PAH: variants seen among roughly 807,000 people sequenced by gnomAD.
PAH encodes the protein phenylalanine hydroxylase, also known as phenylalanine-4-hydroxylase.
In PAH, 64 loss-of-function variants were observed where a neutral mutation model predicts 62.0. The observed-to-expected ratio is 1.03, with a 90% CI of 0.84 to 1.27. The LOEUF is 1.27. Ranked by LOEUF, PAH falls within the 50% of genes most tolerant of loss-of-function variation. PAH has a pLI of 0.00. For missense variants in PAH, 579 were observed against 542.8 expected (o/e 1.07, Z -0.66); for synonymous variants, 195 against 196.2 (o/e 0.99, Z 0.05).
chr12:102,951,317 G>T (rs1879753738), upstream of PAH, among the ~76,000 whole-genome samples: 1 of 152,144 alleles, frequency 6.6e-6, no homozygotes, highest in Admixed American at 6.5e-5. Flanking sequence ...ACTCCTTACG[G>T]CTCAGGAGTC....
In PAH at chr12:102,886,420, A is replaced by G. The variant is rs555466827; in HGVS notation, c.352+8315T>C. On this transcript the variant is annotated intron_variant, in intron 3 of 12. Transcript: ENST00000553106. ...TTTATTCCAACCACCCACCTAAATTACAACTACCCTCCCAATATCCTTTTT... is the reference window on the plus strand; with the variant it reads ...TTTATTCCAACCACCCACCTAAATTGCAACTACCCTCCCAATATCCTTTTT... 1.8e-4 allele frequency among the ~76,000 whole-genome samples: 27 copies of G among 152,336 alleles called. No homozygotes were observed. In the South Asian group the frequency reaches 5.0e-3, roughly 28 times the overall value.
rs62508718 is a variant in PAH, at chr12:102,855,193, A to G, written c.649T>C (p.Cys217Arg). 3 of 1,614,208 alleles carry G rather than the reference A, an allele frequency of 1.9e-6. No individual in the cohort carries two copies. Among genetic ancestry groups the G allele is most frequent in the South Asian group, 1.1e-5 (1 of 91,088 alleles). The part of the protein sequence containing the change: ...NHIFPLLEKY[C>R]GFHEDNIPQL... ...GGAATGTTATCTTCATGGAAGCCAC[A>G]GTACTTTTCAAGAAGTGGAAAAATG... is the stretch of plus-strand genomic sequence containing the variant. The change falls in exon 6 of 13, where the codon TGT (cysteine) becomes CGT (arginine). Residue 217 changes from cysteine (C) to arginine (R), a missense_variant. Coordinates refer to ENST00000553106, the MANE Select transcript of PAH (RefSeq NM_000277.3).
chr12:102,921,583 T>C (rs1419811041), upstream of PAH, among the ~76,000 whole-genome samples: 2 of 152,212 alleles, frequency 1.3e-5, no homozygotes, highest in Non-Finnish European at 2.9e-5. Context: ...GAGTATTGTT[T>C]AAGAAGTCCT....
chr12:102,839,045 T>C lies in PAH; in HGVS notation c.*130A>G, dbSNP rs879169887. On this transcript the variant is annotated 3_prime_UTR_variant, in exon 13 of 13. Coordinates refer to ENST00000553106, the MANE Select transcript of PAH (RefSeq NM_000277.3). ...ATTATTTTGACTTATTTGTTGTTTC[T>C]CCATCTTGTAAAGGATTTAAGGCTG... The C allele has an allele frequency of 1.1e-4, 83 of 777,210 alleles. No individual in the cohort carries two copies. In the South Asian group the frequency reaches 1.2e-3, roughly 11 times the overall value. The allele number at this position is 777,210 out of a possible 1,614,324, so 48.1% of individuals were successfully genotyped here.
At chr12:102,945,531 C>A (rs1879460711) in intron 1 of PAH, among the ~76,000 whole-genome samples, 1 of 152,208 alleles carries the variant, frequency 6.6e-6, no homozygotes, top group African/African-American at 2.4e-5. Context: ...TCTTCCCATT[C>A]TTCCCTCCCC....
intron 12 of PAH, among the ~76,000 whole-genome samples, chr12:102,839,624 T>A (rs1364554481): frequency 6.6e-6 from 1 of 152,228 alleles, no homozygotes; most frequent in African/African-American, 2.4e-5. Context: ...TATCACAAAT[T>A]TGGTAAATTT....
chr12:102,846,247 C>G (rs989242529), intron 9 of PAH, among the ~76,000 whole-genome samples: 19 of 152,160 alleles, frequency 1.2e-4, no homozygotes, highest in African/African-American at 4.6e-4. Context: ...AGCTTCTAAA[C>G]TGATATATCT....
intron 1 of PAH, among the ~76,000 whole-genome samples, chr12:102,915,827 T>TA (rs398116814): frequency 3.3e-5 from 5 of 152,142 alleles, no homozygotes; most frequent in African/African-American, 7.2e-5. Context: ...CCTATTTTTT[T>TA]AATTATAACT....
At chr12:102,917,015 CTT>C (rs1878408262) in intron 1 of PAH, 54 bp downstream of exon 1, 1 of 1,525,748 alleles carries the variant, frequency 6.6e-7, no homozygotes, top group East Asian at 2.3e-5. Flanking sequence ...CTTCGGATCT[CTT>C]TCTCTGGAGG....
intron 1 of PAH, among the ~76,000 whole-genome samples, chr12:102,933,529 C>A (rs952060354): frequency 6.6e-6 from 1 of 152,002 alleles, no homozygotes; most frequent in East Asian, 1.9e-4. Flanking sequence ...GCTCTATTTT[C>A]AATTTTTGAG....
chr12:102,899,916 A>G (rs1210621754), intron 2 of PAH, among the ~76,000 whole-genome samples: 1 of 148,910 alleles, frequency 6.7e-6, no homozygotes, highest in African/African-American at 2.5e-5. Flanking sequence ...AACATGTATT[A>G]AAAAACGTGT....
chr12:102,917,984 G>A (rs1878451697), upstream of PAH, among the ~76,000 whole-genome samples: 1 of 152,220 alleles, frequency 6.6e-6, no homozygotes, highest in South Asian at 2.1e-4. Flanking sequence ...GACCTGTACC[G>A]TGTGCTTGGT....
chr12:102,945,711 G>A (rs1210051706), intron 1 of PAH, among the ~76,000 whole-genome samples: 4 of 152,068 alleles, frequency 2.6e-5, no homozygotes, highest in Non-Finnish European at 5.9e-5. Context: ...GCCCCCTCTG[G>A]CCCAGGGCAG....
upstream of PAH, chr12:102,950,950 G>GT (rs11442766): frequency 0.43 from 64,742 of 151,608 alleles, 14,901 homozygotes; most frequent in African/African-American, 0.6. Flanking sequence ...AAAACGGATA[G>GT]TGTGTGTGTT....
chr12:102,908,811 C>T (rs529028081), intron 2 of PAH, among the ~76,000 whole-genome samples: 28 of 151,360 alleles, frequency 1.8e-4, no homozygotes, highest in African/African-American at 6.5e-4. Flanking sequence ...ATTCAAAATA[C>T]CACGTTACAT....
intron 1 of PAH, chr12:102,914,308 T>C (rs1402682351): frequency 6.5e-6 from 1 of 153,704 alleles, no homozygotes; most frequent in Non-Finnish European, 1.4e-5. Flanking sequence ...ATTTAGAGCC[T>C]ATAATTTCTG....
intron 1 of PAH, among the ~76,000 whole-genome samples, chr12:102,926,451 T>C (rs1878686201): frequency 6.6e-6 from 1 of 151,872 alleles, no homozygotes; most frequent in Non-Finnish European, 1.5e-5. Context: ...GAGAGAGGTG[T>C]AAGCTGAGTC....
Position 102,852,850 on chromosome 12 carries a change from G to C in PAH, c.807C>G (p.Ile269Met). 6.2e-7 allele frequency: 1 copy of C among 1,614,114 alleles called. No individual in the cohort carries two copies. Among genetic ancestry groups the C allele is most frequent in the Non-Finnish European group, 8.5e-7 (1 of 1,180,008 alleles). The change falls in exon 7 of 13, where the codon ATC becomes ATG. Residue 269 changes from isoleucine to methionine, a missense_variant. Transcript: ENST00000553106. ...TATACATGGGCTTGGATCCATGTCT[G>C]ATGTACTGTGTGCAGTGGAAGACTC... is the stretch of plus-strand genomic sequence containing the variant. ...AFRVFHCTQY[I>M]RHGSKPMYTP...
At chr12:102,911,630 T>C (rs922415583) in intron 2 of PAH, among the ~76,000 whole-genome samples, 3 of 152,198 alleles carry the variant, frequency 2.0e-5, no homozygotes, top group African/African-American at 7.2e-5. Context: ...CCTCCCCAGC[T>C]GCTCAGAATA....
Sources: allele counts gnomAD v4.1 joint callset (sites outside exome capture counted in the v4.1 genomes callset), GRCh38; gene constraint gnomAD v4.1.1; transcripts MANE v1.5; gene names NCBI Gene and HGNC (gene_info 2026-07-23, HGNC 2026-07-21).